Variants in ADAMTS9 observed in about 807,000 individuals in gnomAD.
ADAMTS9 encodes the protein ADAM metallopeptidase with thrombospondin type 1 motif 9.
Under a neutral mutation model 257.1 loss-of-function variants are expected in ADAMTS9, and 107 were observed. The observed-to-expected ratio is 0.42, with a 90% confidence interval of 0.36 to 0.49. ADAMTS9 has a LOEUF of 0.49. ADAMTS9 is among the 20% of genes least tolerant of loss of function. The pLI is 0.03. For missense variants in ADAMTS9, 2,353 were observed against 2,469.1 expected, an observed-to-expected ratio of 0.95 and a Z score of 1.00; for synonymous variants, 982 against 880.9, an observed-to-expected ratio of 1.11 and a Z score of -2.03.
chr3:64,596,833 T>C lies in ADAMTS9; in HGVS notation c.4176A>G (p.Gly1392=). 6.2e-7 allele frequency: 1 copy of C among 1,613,874 alleles called. No homozygotes were observed. The highest frequency in any genetic ancestry group is 8.5e-7 in the Non-Finnish European group (1 of 1,179,888). The change falls in exon 27 of 40, where the codon GGA becomes GGG. Residue 1392 remains glycine (G), a synonymous_variant. Coordinates refer to ENST00000498707, the MANE Select transcript of ADAMTS9 (RefSeq NM_182920.2). ...TAGACGGATAGTTCACTCTCACCTC[T>C]CCCCAGTTGCCATAAGCCCACTGAG... The part of the protein sequence containing the change: ...PCPQWAYGNW[G]ECTKLCGGGI...
intron 26 of ADAMTS9, among the ~76,000 whole-genome samples, chr3:64,597,969 G>T (rs1427619963): frequency 6.6e-6 from 1 of 152,128 alleles, no homozygotes; most frequent in Non-Finnish European, 1.5e-5. Context: ...GCTGATTTTT[G>T]CTTTCTAGCT....
chr3:64,569,520 CACTA>C (rs2083625546), intron 28 of ADAMTS9, among the ~76,000 whole-genome samples: 1 of 152,190 alleles, frequency 6.6e-6, no homozygotes, highest in Non-Finnish European at 1.5e-5. Context: ...TTATTTCCCC[CACTA>C]ACTTTGTGAT....
chr3:64,533,206 G>T lies in ADAMTS9; in HGVS notation c.5678C>A (p.Ser1893Ter). ...GTCAGAGACAGCATAATTCCCTTGT[G>T]ATATCCATCTGGCAGATTCAGTTAA... The part of the protein sequence containing the change: ...LSLTESARWI[S>*]QGNYAVSDIK... The change falls in exon 38 of 40, where the codon TCA becomes TAA. Residue 1893 changes from serine to a stop codon, truncating the protein, a stop_gained. Transcript: ENST00000498707. LOFTEE classifies it high-confidence loss of function. 6.2e-7 allele frequency: 1 copy of T among 1,603,540 alleles called. No homozygotes were observed. Among genetic ancestry groups the T allele is most frequent in the Non-Finnish European group, 8.5e-7 (1 of 1,174,146 alleles).
chr3:64,672,052 A>G (rs1701504094), intron 3 of ADAMTS9, among the ~76,000 whole-genome samples: 2 of 152,200 alleles, frequency 1.3e-5, no homozygotes, highest in African/African-American at 4.8e-5. Flanking sequence ...AGCCTACTCA[A>G]GTGAAAGGTC....
chr3:64,619,208 G>A (rs754719535), intron 19 of ADAMTS9, among the ~76,000 whole-genome samples: 3 of 152,088 alleles, frequency 2.0e-5, no homozygotes, highest in Non-Finnish European at 2.9e-5. Flanking sequence ...TGTATCTATA[G>A]TTATAATCAG....
intron 5 of ADAMTS9, 50 bp from the exon 6 acceptor site, chr3:64,655,741 G>T (rs749752515): frequency 6.3e-7 from 1 of 1,583,428 alleles, no homozygotes; most frequent in Non-Finnish European, 8.7e-7. Context: ...ATCCCAATTA[G>T]ATATGCCATT....
At chr3:64,531,366 G>T (rs751349878) in intron 38 of ADAMTS9, among the ~76,000 whole-genome samples, 1 of 151,724 alleles carries the variant, frequency 6.6e-6, no homozygotes, top group Admixed American at 6.6e-5. Flanking sequence ...CAGGATGCTT[G>T]GTTAAGTATG....
Position 64,614,329 on chromosome 3 carries a change from T to A in ADAMTS9, c.3190-820A>T, listed in dbSNP as rs79719730. Among the ~76,000 whole-genome samples, 336 of 152,308 alleles carry A rather than the reference T, an allele frequency of 2.2e-3. 1 individual carries two copies. Among genetic ancestry groups the A allele is most frequent in the Admixed American group, 3.5e-3 (54 of 15,294 alleles). ...CAAAGGCAATTTGTTAACCTAGAAC[T>A]AAAGCACTAGGTTTGCAGTTCATTT... is the stretch of plus-strand genomic sequence containing the variant. On this transcript the variant is annotated intron_variant, in intron 21 of 39. Coordinates refer to ENST00000498707, the MANE Select transcript of ADAMTS9 (RefSeq NM_182920.2).
At chr3:64,610,505 ATT>A (rs5849607) in intron 22 of ADAMTS9, among the ~76,000 whole-genome samples, 1 of 151,644 alleles carries the variant, frequency 6.6e-6, no homozygotes, top group African/African-American at 2.4e-5. Context: ...CACAATTCAT[ATT>A]TTTTTTTAAA....
chr3:64,619,433 G>C (rs1272618144), intron 19 of ADAMTS9, among the ~76,000 whole-genome samples: 4 of 152,164 alleles, frequency 2.6e-5, no homozygotes, highest in Non-Finnish European at 5.9e-5. Flanking sequence ...TTTAAGCACA[G>C]GATCTAGGTA....
At chr3:64,583,876 A>G (rs2084073236) in intron 28 of ADAMTS9, 2 of 152,316 alleles carry the variant, frequency 1.3e-5, no homozygotes, top group South Asian at 4.1e-4. Context: ...CCCCATCTAT[A>G]GAAAACGTGC....
At chr3:64,593,121 T>C (rs1277646745) in intron 28 of ADAMTS9, among the ~76,000 whole-genome samples, 2 of 152,128 alleles carry the variant, frequency 1.3e-5, no homozygotes, top group Non-Finnish European at 2.9e-5. Context: ...TGGAAGAAAA[T>C]ACTTAACAGT....
chr3:64,629,812 G>C (rs1156275757), intron 16 of ADAMTS9, among the ~76,000 whole-genome samples: 1 of 152,196 alleles, frequency 6.6e-6, no homozygotes, highest in Non-Finnish European at 1.5e-5. Context: ...AATGAATAGT[G>C]ATAGCAAATG....
chr3:64,659,410 G>A (rs571035529), intron 3 of ADAMTS9, among the ~76,000 whole-genome samples: 11 of 150,426 alleles, frequency 7.3e-5, no homozygotes, highest in Admixed American at 1.3e-4. Flanking sequence ...AGAGCCTGAC[G>A]TGAGTTTAGA....
chr3:64,537,580 G>A (rs931836851), intron 37 of ADAMTS9, among the ~76,000 whole-genome samples: 4 of 152,028 alleles, frequency 2.6e-5, no homozygotes, highest in African/African-American at 4.8e-5. Context: ...GCTTGAGGCC[G>A]AAAAAACGCC....
intron 28 of ADAMTS9, among the ~76,000 whole-genome samples, chr3:64,584,711 C>T (rs1404082545): frequency 1.3e-5 from 2 of 152,102 alleles, no homozygotes; most frequent in African/African-American, 4.8e-5. Flanking sequence ...ATCCCCTCAT[C>T]CTGAGTCCCC....
At chr3:64,634,809 T>C (rs1005405447) in intron 12 of ADAMTS9, among the ~76,000 whole-genome samples, 3 of 152,194 alleles carry the variant, frequency 2.0e-5, no homozygotes, top group South Asian at 2.1e-4. Context: ...AGAATGAATC[T>C]TTCAGAGTAA....
chr3:64,678,174 T>C (rs548748225), intron 3 of ADAMTS9, among the ~76,000 whole-genome samples: 14 of 152,276 alleles, frequency 9.2e-5, no homozygotes, highest in African/African-American at 3.1e-4. Context: ...GTGTTGAATA[T>C]ATAGGATATC....
chr3:64,587,306 A>C (rs1225373292), intron 28 of ADAMTS9: 1 of 152,220 alleles, frequency 6.6e-6, no homozygotes, highest in Non-Finnish European at 1.5e-5. Flanking sequence ...AACCCCTTAC[A>C]TGTGGAATAC....
Sources: allele counts gnomAD v4.1 joint callset (sites outside exome capture counted in the v4.1 genomes callset), GRCh38; gene constraint gnomAD v4.1.1; transcripts MANE v1.5; gene names NCBI Gene and HGNC (gene_info 2026-07-23, HGNC 2026-07-21).